The following SASH1 variants were observed in gnomAD, a reference collection of about 807,000 sequenced individuals.
The protein encoded by SASH1 is SAM and SH3 domain containing 1.
In SASH1, 44 loss-of-function variants were observed where a neutral mutation model predicts 125.2. The observed-to-expected ratio is 0.35, with a 90% CI of 0.28 to 0.45. The LOEUF (loss-of-function observed/expected upper bound fraction) is 0.45. SASH1 is among the 20% of genes least tolerant of loss of function. SASH1 has a pLI of 1.00. For missense variants in SASH1, 1,426 were observed against 1,614.5 expected (o/e 0.88, Z 2.00); for synonymous variants, 639 against 649.1 (o/e 0.98, Z 0.24).
At chr6:148,256,423 A>T in the SASH1 span, among the ~76,000 whole-genome samples, 1 of 152,218 alleles carries the variant, frequency 6.6e-6, no homozygotes, top group African/African-American at 2.4e-5. Context: ...ATTTTACAGT[A>T]TCTTCTTAAA....
rs77522884 is a variant in SASH1, at chr6:148,310,508, A to G, written n.74+38131A>G. 1.5e-3 allele frequency among the ~76,000 whole-genome samples: 230 copies of G among 152,262 alleles called. 2 individuals are homozygous for G. In the East Asian group the frequency reaches 0.033, roughly 22 times the overall value. On this transcript the variant is annotated intron_variant and non_coding_transcript_variant, in intron 1 of 3. Coordinates refer to the SASH1 transcript ENST00000367469. ...AATAAGATTTTGTCACTAAAACAAG[A>G]TATGATTCATAAAAGAAAACATGGA...
intron 1 of SASH1, among the ~76,000 whole-genome samples, chr6:148,360,238 A>G (rs1413816345): frequency 6.6e-6 from 1 of 150,646 alleles, no homozygotes; most frequent in Non-Finnish European, 1.5e-5. Context: ...CTAGTCAGTC[A>G]TCGTAATTGA....
chr6:148,299,141 T>TA (rs1562312562), intron 1 of SASH1, among the ~76,000 whole-genome samples: 3 of 152,192 alleles, frequency 2.0e-5, no homozygotes, highest in Non-Finnish European at 2.9e-5. Context: ...ATGCCCAGCA[T>TA]GGTTGAAGGT....
chr6:148,437,891 T>C (rs1486370519), intron 2 of SASH1, among the ~76,000 whole-genome samples: 1 of 152,262 alleles, frequency 6.6e-6, no homozygotes, highest in Non-Finnish European at 1.5e-5. Flanking sequence ...TTTTGCATAA[T>C]GTACCATATA....
Position 148,506,221 on chromosome 6 carries a change from C to A in SASH1, c.730-8103C>A, listed in dbSNP as rs959587504. Among the ~76,000 whole-genome samples, 3 of 151,846 alleles carry A rather than the reference C, an allele frequency of 2.0e-5. 1 individual carries two copies. The highest frequency in any genetic ancestry group is 4.4e-5 in the Non-Finnish European group (3 of 67,976). ...GGGCTTGGTGGCTCACGCCTGTAGT[C>A]CCAGCACTTTGGGAGGCCAAGGCAG... On this transcript the variant is annotated intron_variant, in intron 8 of 19. Coordinates refer to ENST00000367467, the MANE Select transcript of SASH1 (RefSeq NM_015278.5).
intron 1 of SASH1, among the ~76,000 whole-genome samples, chr6:148,389,639 C>G (rs1034869674): frequency 1.3e-5 from 2 of 152,212 alleles, no homozygotes; most frequent in East Asian, 1.9e-4. Flanking sequence ...AGGCTCCCAT[C>G]AGAATCCCTG....
At chr6:148,253,827 G>A in the SASH1 span, among the ~76,000 whole-genome samples, 800 of 151,756 alleles carry the variant, frequency 5.3e-3, 7 homozygotes, top group African/African-American at 0.018. Flanking sequence ...AACTGAGATC[G>A]CACCACTGCA....
intron 2 of SASH1, among the ~76,000 whole-genome samples, chr6:148,411,166 C>CAAAAAAAAAAAAAAAA (rs56342457): frequency 3.0e-4 from 14 of 46,182 alleles, no homozygotes; most frequent in Non-Finnish European, 4.5e-4. Flanking sequence ...ACTCCATCTC[C>CAAAAAAAAAAAAAAAA]AAAAAAAAAA....
intron 1 of SASH1, among the ~76,000 whole-genome samples, chr6:148,318,445 T>G (rs898207159): frequency 6.6e-6 from 1 of 152,224 alleles, no homozygotes; most frequent in Non-Finnish European, 1.5e-5. Flanking sequence ...ATTCATTTAT[T>G]TGTTTGTTCA....
At chr6:148,457,053 C>T (rs1777391638) in intron 4 of SASH1, among the ~76,000 whole-genome samples, 1 of 145,274 alleles carries the variant, frequency 6.9e-6, no homozygotes, top group Non-Finnish European at 1.5e-5. Flanking sequence ...TTAGTAATTC[C>T]TTAAGACAAA....
intron 2 of SASH1, among the ~76,000 whole-genome samples, chr6:148,422,076 G>A (rs1255792490): frequency 6.6e-6 from 1 of 152,192 alleles, no homozygotes; most frequent in Non-Finnish European, 1.5e-5. Flanking sequence ...TATAGAGGAA[G>A]GGTTGGCTTT....
chr6:148,333,252 A>G (rs1321450343), intron 1 of SASH1, among the ~76,000 whole-genome samples: 1 of 151,914 alleles, frequency 6.6e-6, no homozygotes, highest in Non-Finnish European at 1.5e-5. Context: ...AATAATAATA[A>G]TAATAATAAA....
chr6:148,234,759 G>A, the SASH1 span, among the ~76,000 whole-genome samples: 7 of 151,962 alleles, frequency 4.6e-5, no homozygotes, highest in East Asian at 1.4e-3. Flanking sequence ...CCCGGGAGGC[G>A]GAGGTTGCAA....
intron 1 of SASH1, among the ~76,000 whole-genome samples, chr6:148,385,423 T>C (rs1045041611): frequency 1.3e-5 from 2 of 152,184 alleles, no homozygotes; most frequent in African/African-American, 4.8e-5. Context: ...GAAATACATA[T>C]TTGGTCTTAA....
chr6:148,423,083 C>T (rs542041857), intron 2 of SASH1, among the ~76,000 whole-genome samples: 83 of 152,232 alleles, frequency 5.5e-4, no homozygotes, highest in African/African-American at 1.9e-3. Context: ...GGACTACAGG[C>T]GCACGCCACC....
chr6:148,431,369 T>C (rs1412131219), intron 2 of SASH1, among the ~76,000 whole-genome samples: 1 of 152,092 alleles, frequency 6.6e-6, no homozygotes, highest in Non-Finnish European at 1.5e-5. Context: ...CGGCTAATTA[T>C]TGTATTTTTA....
chr6:148,391,245 G>GA (rs1188858419), intron 2 of SASH1, among the ~76,000 whole-genome samples: 1 of 151,848 alleles, frequency 6.6e-6, no homozygotes, highest in Non-Finnish European at 1.5e-5. Context: ...GAGTGGCTGG[G>GA]ATTACAGGCA....
intron 8 of SASH1, among the ~76,000 whole-genome samples, chr6:148,503,499 T>G (rs530000661): frequency 6.6e-6 from 1 of 152,356 alleles, no homozygotes; most frequent in East Asian, 1.9e-4. Context: ...ATTGACTATT[T>G]CTTGACATGC....
At chr6:148,497,468 T>C (rs565769643) in intron 8 of SASH1, among the ~76,000 whole-genome samples, 25 of 152,368 alleles carry the variant, frequency 1.6e-4, no homozygotes, top group African/African-American at 5.5e-4. Context: ...AGGAGACTGG[T>C]TAAGCTCAGA....
Sources: allele counts gnomAD v4.1 joint callset (sites outside exome capture counted in the v4.1 genomes callset), GRCh38; gene constraint gnomAD v4.1.1; transcripts MANE v1.5; gene names NCBI Gene and HGNC (gene_info 2026-07-23, HGNC 2026-07-21).